NUBP1: variants seen among roughly 807,000 people sequenced by gnomAD.
NUBP1 encodes the protein cytosolic Fe-S cluster assembly factor NUBP1.
NUBP1 carries 46 observed loss-of-function variants against 41.8 expected under a neutral mutation model. The observed-to-expected ratio is 1.10, with a 90% confidence interval of 0.87 to 1.41. The LOEUF is 1.41. NUBP1 is among the 40% of genes most tolerant of loss of function. The pLI is 0.00. For synonymous variants in NUBP1, 189 were observed against 154.6 expected, an observed-to-expected ratio of 1.22 and a Z score of -1.65; for missense variants, 494 against 414.0, an observed-to-expected ratio of 1.19 and a Z score of -1.68.
chr16:10,762,836 T>TGG, intron 9 of NUBP1, among the ~76,000 whole-genome samples: 3 of 149,276 alleles, frequency 2.0e-5, no homozygotes, highest in Non-Finnish European at 4.5e-5. Flanking sequence ...GCGGGGCCCG[T>TGG]GGAGAGCCTG....
intron 3 of NUBP1, among the ~76,000 whole-genome samples, chr16:10,752,355 T>C (rs1900358338): frequency 6.6e-6 from 1 of 152,142 alleles, no homozygotes; most frequent in Non-Finnish European, 1.5e-5. Flanking sequence ...CCAAGTGACC[T>C]GACAGCCAGG....
intron 7 of NUBP1, among the ~76,000 whole-genome samples, chr16:10,760,006 T>A (rs115914510): frequency 0.011 from 1,628 of 152,268 alleles, 18 homozygotes; most frequent in African/African-American, 0.027. Context: ...GGTACAGGGA[T>A]CTGTGATAAC....
chr16:10,762,305 G>C (rs2030048770), intron 9 of NUBP1, among the ~76,000 whole-genome samples: 1 of 152,202 alleles, frequency 6.6e-6, no homozygotes, highest in South Asian at 2.1e-4. Flanking sequence ...CACCGGGACA[G>C]ACCGGAACGC....
At chr16:10,755,786 G>C (rs760608210) in intron 5 of NUBP1, 33 bp downstream of exon 5, 31 of 1,607,796 alleles carry the variant, frequency 1.9e-5, no homozygotes, top group Non-Finnish European at 2.6e-5. Flanking sequence ...TATTTTCACA[G>C]TAGTGTGTGG....
At position 10,743,977 on chromosome 16, in the gene NUBP1, C is replaced by A. The variant is rs765365474; in HGVS notation, c.36C>A (p.Asp12Glu). Residue 12 changes from aspartate (D) to glutamate (E), a missense_variant, in exon 2 of 11, where the codon GAC (aspartate) becomes GAA (glutamate). Coordinates refer to ENST00000283027, the MANE Select transcript of NUBP1 (RefSeq NM_002484.4). ...TCTGCGCAGACTGTCCAGGGGCCGA[C>A]AGCGCCCAGGCGGGCAGAGGGGCTT... ...EEVPHDCPGA[D>E]SAQAGRGASC... The A allele has an allele frequency of 1.3e-5, 20 of 1,582,778 alleles. No homozygotes were observed. In the South Asian group the frequency reaches 2.2e-4, roughly 17 times the overall value.
intron 5 of NUBP1, 143 bp downstream of exon 5, chr16:10,755,896 G>C: frequency 2.7e-6 from 2 of 739,336 alleles, no homozygotes; most frequent in South Asian, 3.5e-5. Context: ...TGATTGGCAG[G>C]CTTTTTCTGT....
chr16:10,758,053 G>C, intron 7 of NUBP1, 26 bp downstream of exon 7: 2 of 1,608,508 alleles, frequency 1.2e-6, no homozygotes, highest in East Asian at 2.2e-5. Context: ...GCTGGAGCTG[G>C]GTCCAAACTG....
chr16:10,758,232 A>G (rs1221472302), intron 7 of NUBP1, among the ~76,000 whole-genome samples: 2 of 152,232 alleles, frequency 1.3e-5, no homozygotes, highest in Non-Finnish European at 2.9e-5. Context: ...GGACTTTGGG[A>G]GGCTGAGATG....
In NUBP1 at chr16:10,768,035, A is replaced by G. The variant is rs145538631; in HGVS notation, c.904+3A>G. The G allele has an allele frequency of 9.3e-6, 15 of 1,613,690 alleles. No individual in the cohort carries two copies. Among genetic ancestry groups the G allele is most frequent in the Middle Eastern group, 1.6e-4 (1 of 6,062 alleles). On this transcript the variant is annotated splice_donor_region_variant and intron_variant, in intron 10 of 10. Coordinates refer to ENST00000283027, the MANE Select transcript of NUBP1 (RefSeq NM_002484.4). The surrounding 1 kb of genome is among the most constrained non-coding windows in gnomAD (Gnocchi z 4.3). ...AGCCTACAGAAGTATAATTCAGAGT[A>G]AGTATTTCCATGAGTACTAAATGCA...
chr16:10,754,343 A>T (rs1294011745), intron 4 of NUBP1, among the ~76,000 whole-genome samples: 5 of 151,984 alleles, frequency 3.3e-5, no homozygotes, highest in African/African-American at 9.7e-5. Context: ...CCCGGGCTCA[A>T]GCAGTTCTCC....
rs2030827640 is a variant in NUBP1 at position 10,766,053 on chromosome 16, C to CTGTTCCT, written c.821-1896_821-1895insTGTTCCT. The CTGTTCCT allele has an allele frequency of 6.6e-6, 1 of 152,392 alleles. No homozygotes were observed. Among genetic ancestry groups the CTGTTCCT allele is most frequent in the Non-Finnish European group, 1.5e-5 (1 of 68,156 alleles). 9.4% of individuals were successfully genotyped at this position (152,392 alleles called of 1,614,324 possible). Reference sequence around the variant, plus strand: ...GAAAACCCACCTTCCTAGGAACAGACAGGAAGGCATGAGGACAGCACTTCA... The same window carrying CTGTTCCT: ...GAAAACCCACCTTCCTAGGAACAGACTGTTCCTAGGAAGGCATGAGGACAGCACTTCA... On this transcript the variant is annotated intron_variant, in intron 9 of 10. Transcript: ENST00000283027. The surrounding 1 kb of genome is among the most constrained non-coding windows in gnomAD (Gnocchi z 4.8).
chr16:10,766,765 C>T lies in NUBP1; in HGVS notation c.821-1184C>T. ...GCCTGAGAATAGGGGCTCAAAGGCC[C>T]CATTACAGAGTTTTTGTGTTTAAAT... On this transcript the variant is annotated intron_variant, in intron 9 of 10. Coordinates refer to ENST00000283027, the MANE Select transcript of NUBP1 (RefSeq NM_002484.4). This position sits in a 1 kb window ranked among gnomAD's most constrained non-coding sequence, Gnocchi z 4.8. 1 of 396,468 alleles carries T rather than the reference C, an allele frequency of 2.5e-6. No individual in the cohort carries two copies. Among genetic ancestry groups the T allele is most frequent in the Non-Finnish European group, 4.4e-6 (1 of 225,304 alleles). 24.6% of individuals were successfully genotyped at this position (396,468 alleles called of 1,614,324 possible).
In NUBP1 at chr16:10,768,139, A is replaced by T; in HGVS notation, c.904+107A>T. ...GTGGGTGGTGGGGTCTGTGATGACC[A>T]CAGAGTGGCCCCCATAGCCGAGGAA... is the stretch of plus-strand genomic sequence containing the variant. On this transcript the variant is annotated intron_variant, in intron 10 of 10. Coordinates refer to ENST00000283027, the MANE Select transcript of NUBP1 (RefSeq NM_002484.4). The surrounding 1 kb of genome is among the most constrained non-coding windows in gnomAD (Gnocchi z 4.3). The T allele has an allele frequency of 1.0e-6, 1 of 987,254 alleles. No homozygotes were observed. Among genetic ancestry groups the T allele is most frequent in the Non-Finnish European group, 1.6e-6 (1 of 640,470 alleles). 61.2% of individuals were successfully genotyped at this position (987,254 alleles called of 1,614,324 possible).
chr16:10,744,045 C>CG lies in NUBP1; in HGVS notation c.109dup (p.Ala37GlyfsTer47). On this transcript the variant is annotated frameshift_variant, in exon 2 of 11. Coordinates refer to ENST00000283027, the MANE Select transcript of NUBP1 (RefSeq NM_002484.4). LOFTEE classifies it high-confidence loss of function. Reference sequence around the variant, plus strand: ...AACCAGCGGCTGTGCGCTTCTGGAGCGGGGGCCACTCCGGACACGGGTGAG... The same window carrying CG: ...AACCAGCGGCTGTGCGCTTCTGGAGCGGGGGGCCACTCCGGACACGGGTGAG... 6.7e-7 allele frequency: 1 copy of CG among 1,481,670 alleles called. No individual in the cohort carries two copies. Among genetic ancestry groups the CG allele is most frequent in the Non-Finnish European group, 9.0e-7 (1 of 1,107,458 alleles). The allele number at this position is 1,481,670 out of a possible 1,614,324, so 91.8% of individuals were successfully genotyped here.
chr16:10,761,629 C>G lies in NUBP1; in HGVS notation c.718-128C>G, dbSNP rs574348170. On this transcript the variant is annotated intron_variant, in intron 8 of 10. Coordinates refer to ENST00000283027, the MANE Select transcript of NUBP1 (RefSeq NM_002484.4). ...CCTTTCTGCTGACTAAAGGAAAGTT[C>G]TTTAGGTGTTAAGGGTTCCACATTC... The G allele has an allele frequency of 3.2e-6, 3 of 950,268 alleles. No homozygotes were observed. In the African/African-American group the frequency reaches 5.0e-5, roughly 16 times the overall value. The allele number at this position is 950,268 out of a possible 1,614,324, so 58.9% of individuals were successfully genotyped here. A position where few individuals can be genotyped will look rare whatever the true frequency, so the allele number is the denominator to read the frequency against.
rs1900657405 is a variant in NUBP1, at chr16:10,757,780, T to C, written c.452-93T>C. On this transcript the variant is annotated intron_variant, in intron 6 of 10. Transcript: ENST00000283027. The surrounding 1 kb of genome is among the most constrained non-coding windows in gnomAD (Gnocchi z 4.1). Reference sequence around the variant, plus strand: ...GAGTTAAGAGCCAACCTGGGCAACATAGCAAGACCCCATCCTTTAAAAAAA... The same window carrying C: ...GAGTTAAGAGCCAACCTGGGCAACACAGCAAGACCCCATCCTTTAAAAAAA... 2.0e-6 allele frequency: 3 copies of C among 1,504,564 alleles called. No homozygotes were observed. The African/African-American group carries it at 4.2e-5, about 21-fold the overall frequency. 93.2% of individuals were successfully genotyped at this position (1,504,564 alleles called of 1,614,324 possible). A position where few individuals can be genotyped will look rare whatever the true frequency, so the allele number is the denominator to read the frequency against.
At chr16:10,744,323 T>G (rs1362379168) in intron 2 of NUBP1, among the ~76,000 whole-genome samples, 2 of 152,114 alleles carry the variant, frequency 1.3e-5, no homozygotes, top group Non-Finnish European at 2.9e-5. Flanking sequence ...GGGTGGAGAC[T>G]GACCGGCGCG....
rs921805680 is a variant in NUBP1 at position 10,765,579 on chromosome 16, C to T, written c.821-2370C>T. On this transcript the variant is annotated intron_variant, in intron 9 of 10. Transcript: ENST00000283027. This position sits in a 1 kb window ranked among gnomAD's most constrained non-coding sequence, Gnocchi z 4.0. ...TCCACGGGCCCAGCCACAGGCCTGC[C>T]CTTGCCATTGTCTGACAGATCAGGA... Among the ~76,000 whole-genome samples, 12 of 152,176 alleles carry T rather than the reference C, an allele frequency of 7.9e-5. No homozygotes were observed. Among genetic ancestry groups the T allele is most frequent in the African/African-American group, 2.9e-4 (12 of 41,442 alleles).
At chr16:10,758,928 C>G (rs1480849566) in intron 7 of NUBP1, among the ~76,000 whole-genome samples, 1 of 152,198 alleles carries the variant, frequency 6.6e-6, no homozygotes, top group Non-Finnish European at 1.5e-5. Flanking sequence ...CTCTGTAAGT[C>G]CTGCAGAGAG....
Sources: gnomAD v4.1 joint callset for allele counts (sites outside exome capture counted in the v4.1 genomes callset) on GRCh38, gnomAD v4.1.1 for gene constraint, Gnocchi (gnomAD v3.1) non-coding constraint, MANE v1.5 for transcripts, NCBI Gene and HGNC (gene_info 2026-07-23, HGNC 2026-07-21) for gene names.